The following BRCA1 variants were observed in gnomAD, a reference collection of about 807,000 sequenced individuals.
BRCA1 encodes the protein BRCA1 DNA repair associated.
BRCA1 carries 140 observed loss-of-function variants against 173.7 expected under a neutral mutation model. That is an observed-to-expected ratio of 0.81 (90% CI 0.70 to 0.93). BRCA1 has a LOEUF of 0.93. Ranked by LOEUF, BRCA1 falls within the 40% of genes least tolerant of loss-of-function variation. The pLI is 0.00. For synonymous variants in BRCA1, 662 were observed against 756.0 expected (o/e 0.88, Z 2.04); for missense variants, 1,983 against 2,172.5 (o/e 0.91, Z 1.73).
At chr17:43,085,486 G>A (rs375098248) in intron 11 of BRCA1, among the ~76,000 whole-genome samples, 1 of 152,100 alleles carries the variant, frequency 6.6e-6, no homozygotes, top group Non-Finnish European at 1.5e-5. Context: ...CATTCAAAAG[G>A]CCCTTTATAC....
At chr17:43,164,500 A>C (rs929890335) in intron 1 of BRCA1, 1 of 152,244 alleles carries the variant, frequency 6.6e-6, no homozygotes, top group African/African-American at 2.4e-5. Flanking sequence ...GGTGAAATTG[A>C]CTTGGTTATG....
chr17:43,074,522 C>T lies in BRCA1; in HGVS notation c.4485-1G>A, dbSNP rs80358189. 2.5e-6 allele frequency: 4 copies of T among 1,612,984 alleles called. No individual in the cohort carries two copies. The South Asian group carries it at 4.4e-5, about 18-fold the overall frequency. On this transcript the variant is annotated splice_acceptor_variant, in intron 13 of 22. Transcript: ENST00000357654. LOFTEE classifies it high-confidence loss of function. ...TGATGGGCATTTAGAAGGGGATGAC[C>T]TAGAAAGATAAATGGAAGGAGAAAA... is the stretch of plus-strand genomic sequence containing the variant.
rs746394738 is a variant in BRCA1, at chr17:43,092,360, A to G, written c.3171T>C (p.Ser1057=). 5 of 1,613,790 alleles carry G rather than the reference A, an allele frequency of 3.1e-6. No individual in the cohort carries two copies. The highest frequency in any genetic ancestry group is 4.2e-6 in the Non-Finnish European group (5 of 1,179,978). ...CATCACTGGAACCTATTTCATTAAT[A>G]CTGGAGCCCACTTCATTAGTACTGG... ...VGSSTNEVGS[S]INEIGSSDEN... Residue 1057 remains serine, a synonymous_variant, in exon 10 of 23, where the codon AGT becomes AGC. Transcript: ENST00000357654.
At chr17:43,065,948 T>C (rs2052050452) in intron 16 of BRCA1, among the ~76,000 whole-genome samples, 2 of 152,226 alleles carry the variant, frequency 1.3e-5, no homozygotes. Flanking sequence ...CAAGTTACTT[T>C]TATGTATCTT....
chr17:43,132,877 C>T (rs899837025), intron 1 of BRCA1: 9 of 152,302 alleles, frequency 5.9e-5, no homozygotes, highest in African/African-American at 2.2e-4. Flanking sequence ...CATTCTCCTG[C>T]CTCAGCTTCC....
chr17:43,050,539 G>C (rs1243536448), intron 20 of BRCA1, among the ~76,000 whole-genome samples: 3 of 151,586 alleles, frequency 2.0e-5, no homozygotes, highest in African/African-American at 7.3e-5. Flanking sequence ...CTTGAACCCG[G>C]GAGGTGGAGG....
intron 1 of BRCA1, among the ~76,000 whole-genome samples, chr17:43,156,324 A>G (rs1318078005): frequency 6.6e-6 from 1 of 152,194 alleles, no homozygotes; most frequent in Non-Finnish European, 1.5e-5. Context: ...TCTTGTAATC[A>G]TGGTGTTTCT....
intron 2 of BRCA1, among the ~76,000 whole-genome samples, chr17:43,121,245 G>A (rs1393364243): frequency 1.3e-5 from 2 of 148,260 alleles, no homozygotes; most frequent in Non-Finnish European, 3.0e-5. Flanking sequence ...CATAGTGGTG[G>A]GCGCCTGTAG....
intron 1 of BRCA1, among the ~76,000 whole-genome samples, chr17:43,143,265 A>G (rs763912525): frequency 6.6e-6 from 1 of 151,910 alleles, no homozygotes; most frequent in African/African-American, 2.4e-5. Flanking sequence ...AGACTCAAAT[A>G]TTTGTTGGCC....
At chr17:43,067,572 C>A (rs2153692791) in intron 16 of BRCA1, 36 bp downstream of exon 16, 1 of 1,536,394 alleles carries the variant, frequency 6.5e-7, no homozygotes, top group Non-Finnish European at 9.0e-7. Flanking sequence ...TTTTATGCAG[C>A]AGATGCAAGG....
In BRCA1 at chr17:43,054,614, A is replaced by AT. The variant is rs1022869259; in HGVS notation, c.5277+2437dup. Among the ~76,000 whole-genome samples, 6 of 151,850 alleles carry AT rather than the reference A, an allele frequency of 4.0e-5. No homozygotes were observed. The South Asian group carries it at 8.3e-4, about 21-fold the overall frequency. On this transcript the variant is annotated intron_variant, in intron 19 of 22. Transcript: ENST00000357654. Reference sequence around the variant, plus strand: ...GCTACGACACCCAATTAATTTTTAAATTTTTTTGTAGAGACAGGGTCTTAC... The same window carrying AT: ...GCTACGACACCCAATTAATTTTTAAATTTTTTTTGTAGAGACAGGGTCTTAC...
chr17:43,118,795 A>C, intron 2 of BRCA1, among the ~76,000 whole-genome samples: 1 of 133,546 alleles, frequency 7.5e-6, no homozygotes, highest in Middle Eastern at 4.5e-3. Context: ...AGTCTCACTC[A>C]CTCTGCTGCT....
At chr17:43,168,641 AAAAT>A (rs1358136737) in intron 1 of BRCA1, among the ~76,000 whole-genome samples, 3 of 152,256 alleles carry the variant, frequency 2.0e-5, no homozygotes, top group African/African-American at 7.2e-5. Context: ...CTCCGTCTCA[AAAAT>A]AAATAAAATA....
At chr17:43,140,564 C>T (rs1346836797) in intron 1 of BRCA1, among the ~76,000 whole-genome samples, 2 of 152,120 alleles carry the variant, frequency 1.3e-5, no homozygotes, top group African/African-American at 4.8e-5. Flanking sequence ...AAGGCCTTTC[C>T]TTCCTCTTTT....
intron 3 of BRCA1, among the ~76,000 whole-genome samples, chr17:43,108,949 C>T (rs545931469): frequency 6.6e-6 from 1 of 151,830 alleles, no homozygotes; most frequent in Non-Finnish European, 1.5e-5. Context: ...ACTGAGATCG[C>T]GCCATTGCAC....
chr17:43,071,995 G>A (rs540873151), intron 14 of BRCA1, among the ~76,000 whole-genome samples: 75 of 151,414 alleles, frequency 5.0e-4, no homozygotes, highest in Admixed American at 1.2e-3. Context: ...GCAACAGAGC[G>A]AGACTCCGTC....
intron 20 of BRCA1, among the ~76,000 whole-genome samples, chr17:43,050,733 G>A (rs1335318252): frequency 6.6e-6 from 1 of 151,654 alleles, no homozygotes; most frequent in African/African-American, 2.4e-5. Flanking sequence ...AGGAAGAGGA[G>A]AACTCCTCCT....
chr17:43,142,942 A>ATATATATATGTGTGTGTGTGTGTG (rs2056086375), intron 1 of BRCA1, among the ~76,000 whole-genome samples: 1 of 143,100 alleles, frequency 7.0e-6, no homozygotes, highest in East Asian at 2.1e-4. Flanking sequence ...GTGTGTGTGT[A>ATATATATATGTGTGTGTGTGTGTG]TATATATATG....
rs2153902423 is a variant in BRCA1 at position 43,071,238 on chromosome 17, T to A, written c.4676A>T (p.Glu1559Val). 6.2e-7 allele frequency: 1 copy of A among 1,613,906 alleles called. No individual in the cohort carries two copies. The highest frequency in any genetic ancestry group is 8.5e-7 in the Non-Finnish European group (1 of 1,179,842). ...ETSYLPRQDLEGTPYLESGIS... is the reference protein window; with the variant it reads ...ETSYLPRQDLVGTPYLESGIS... ...TCCAGATTCCAGGTAAGGGGTTCCC[T>A]CTGAAAGGAATGGGAGAAGTTTAAT... The change falls in exon 15 of 23, where the codon GAG (glutamate) becomes GTG (valine). Residue 1559 changes from glutamate to valine, a missense_variant and splice_region_variant. Coordinates refer to ENST00000357654, the MANE Select transcript of BRCA1 (RefSeq NM_007294.4).
Sources: allele counts gnomAD v4.1 joint callset (sites outside exome capture counted in the v4.1 genomes callset), GRCh38; gene constraint gnomAD v4.1.1; transcripts MANE v1.5; gene names NCBI Gene and HGNC (gene_info 2026-07-23, HGNC 2026-07-21).